APBB2: variants seen among roughly 807,000 people sequenced by gnomAD.
APBB2 encodes Fe65-like 1.
Under a neutral mutation model 82.5 loss-of-function variants are expected in APBB2, and 38 were observed. That is an observed-to-expected ratio of 0.46 (90% CI 0.36 to 0.60). The LOEUF is 0.60. Ranked by LOEUF, APBB2 falls within the 20% of genes least tolerant of loss-of-function variation. The probability of loss-of-function intolerance (pLI) is 0.00; values close to 1 mark genes in which losing one functional copy is unlikely to be tolerated. For missense variants in APBB2, 772 were observed against 972.3 expected (o/e 0.79, Z 2.74); for synonymous variants, 341 against 368.2 (o/e 0.93, Z 0.85).
At chr4:41,072,535 A>C (rs983705672) in intron 3 of APBB2, among the ~76,000 whole-genome samples, 3 of 152,150 alleles carry the variant, frequency 2.0e-5, no homozygotes, top group Non-Finnish European at 1.5e-5. Flanking sequence ...TAAAATACCA[A>C]GCTCCAGATA....
At chr4:40,980,045 C>T (rs376012098) in intron 6 of APBB2, among the ~76,000 whole-genome samples, 9 of 152,280 alleles carry the variant, frequency 5.9e-5, no homozygotes, top group Admixed American at 4.6e-4. Context: ...CTTTTGGAGA[C>T]GGAGTCTCAC....
chr4:41,049,032 G>T (rs6847876), intron 4 of APBB2, among the ~76,000 whole-genome samples: 26,830 of 151,930 alleles, frequency 0.18, 2,466 homozygotes, highest in Non-Finnish European at 0.21. Context: ...CCTCCCAGCA[G>T]CCTGCCTTGG....
chr4:40,920,464 A>G (rs933631132), intron 10 of APBB2, among the ~76,000 whole-genome samples: 3 of 152,202 alleles, frequency 2.0e-5, no homozygotes, highest in Non-Finnish European at 4.4e-5. Flanking sequence ...TTACCTCTCC[A>G]TCTTTAAAAC....
intron 3 of APBB2, among the ~76,000 whole-genome samples, chr4:41,093,413 G>C (rs917317292): frequency 6.6e-6 from 1 of 152,042 alleles, no homozygotes; most frequent in Admixed American, 6.5e-5. Context: ...CCTTTTAAGG[G>C]TATCTGAGCA....
chr4:40,819,973 G>A (rs932224678), intron 17 of APBB2, among the ~76,000 whole-genome samples: 5 of 152,108 alleles, frequency 3.3e-5, no homozygotes, highest in Admixed American at 6.5e-5. Context: ...CACCACGCCC[G>A]GCTGAAAGTG....
At chr4:40,922,158 C>T (rs543543010) in intron 10 of APBB2, among the ~76,000 whole-genome samples, 15 of 152,312 alleles carry the variant, frequency 9.8e-5, no homozygotes, top group African/African-American at 2.4e-4. Flanking sequence ...CTCATCTAAC[C>T]GAACTGCTTC....
At chr4:40,829,687 G>A (rs767471721) in intron 13 of APBB2, among the ~76,000 whole-genome samples, 13 of 151,990 alleles carry the variant, frequency 8.6e-5, no homozygotes, top group Non-Finnish European at 1.8e-4. Flanking sequence ...GGGTGTGTAG[G>A]GCAGAGGGTG....
chr4:41,098,294 C>G (rs1271036412), intron 3 of APBB2, among the ~76,000 whole-genome samples: 1 of 152,116 alleles, frequency 6.6e-6, no homozygotes. Flanking sequence ...ACGTGACCCT[C>G]CCATCTCAGC....
At chr4:41,190,864 A>C (rs1349782920) in intron 1 of APBB2, among the ~76,000 whole-genome samples, 3 of 152,184 alleles carry the variant, frequency 2.0e-5, no homozygotes, top group Non-Finnish European at 4.4e-5. Context: ...CTAATCCTCT[A>C]CTTCTGATTA....
At chr4:40,857,295 A>G (rs1036752294) in intron 12 of APBB2, 1 of 469,606 alleles carries the variant, frequency 2.1e-6, no homozygotes, top group Non-Finnish European at 2.8e-6. Context: ...CTCCCGCCAG[A>G]TGCTCCAGCT....
chr4:40,886,074 T>C (rs979186097), intron 12 of APBB2, among the ~76,000 whole-genome samples: 1 of 152,236 alleles, frequency 6.6e-6, no homozygotes, highest in Non-Finnish European at 1.5e-5. Flanking sequence ...GAGCAGACTA[T>C]AGGGCTCATT....
chr4:41,092,705 AG>A (rs1439348058), intron 3 of APBB2, among the ~76,000 whole-genome samples: 1 of 151,684 alleles, frequency 6.6e-6, no homozygotes, highest in Non-Finnish European at 1.5e-5. Flanking sequence ...AAAAAAAAAA[AG>A]TACTTGGTCT....
chr4:40,931,145 A>G (rs1461336096), intron 10 of APBB2, among the ~76,000 whole-genome samples: 1 of 152,140 alleles, frequency 6.6e-6, no homozygotes, highest in East Asian at 1.9e-4. Context: ...ATGTAAGGTG[A>G]GTAACTTATT....
At chr4:40,974,034 A>G (rs1796576984) in intron 6 of APBB2, among the ~76,000 whole-genome samples, 1 of 151,838 alleles carries the variant, frequency 6.6e-6, no homozygotes, top group Non-Finnish European at 1.5e-5. Flanking sequence ...TTGTATTTTT[A>G]GTAGAGACGG....
intron 5 of APBB2, among the ~76,000 whole-genome samples, chr4:41,025,201 A>G (rs928995374): frequency 2.0e-5 from 3 of 152,194 alleles, no homozygotes; most frequent in Non-Finnish European, 4.4e-5. Flanking sequence ...AGAAAAACAA[A>G]CCCATTAAAA....
In APBB2 at chr4:41,083,270, T is replaced by C. The variant is rs565379958; in HGVS notation, c.-149+17369A>G. ...ACCAAAGTAGTATGTATGCTATAGC[T>C]ACAAACAGATAAAAATATGTACACA... On this transcript the variant is annotated intron_variant, in intron 3 of 17. Coordinates refer to ENST00000508593, the MANE Select transcript of APBB2 (RefSeq NM_004307.2). Among the ~76,000 whole-genome samples the C allele has an allele frequency of 4.6e-5, 7 of 152,236 alleles. No homozygotes were observed. The South Asian group carries it at 1.5e-3, about 32-fold the overall frequency.
chr4:40,953,697 T>TTC (rs1790841889), intron 6 of APBB2, among the ~76,000 whole-genome samples: 1 of 152,126 alleles, frequency 6.6e-6, no homozygotes, highest in South Asian at 2.1e-4. Flanking sequence ...CTCCACATGC[T>TTC]GCAGAGGCTG....
intron 1 of APBB2, among the ~76,000 whole-genome samples, chr4:41,157,388 G>A (rs1465955706): frequency 3.9e-5 from 6 of 152,220 alleles, no homozygotes; most frequent in Admixed American, 6.5e-5. Context: ...GCCCTTGGGA[G>A]CAAAGAGAAC....
intron 4 of APBB2, among the ~76,000 whole-genome samples, chr4:41,040,640 C>T (rs1469461884): frequency 6.6e-6 from 1 of 152,144 alleles, no homozygotes; most frequent in African/African-American, 2.4e-5. Flanking sequence ...AATCATTACA[C>T]CATGTTTTTT....
Sources: gnomAD v4.1 joint callset for allele counts (sites outside exome capture counted in the v4.1 genomes callset) on GRCh38, gnomAD v4.1.1 for gene constraint, MANE v1.5 for transcripts, NCBI Gene and HGNC (gene_info 2026-07-23, HGNC 2026-07-21) for gene names.